The following SLC30A10 variants were observed in gnomAD, a reference collection of about 807,000 sequenced individuals.
SLC30A10 encodes the protein solute carrier family 30 member 10.
A neutral mutation model predicts 21.7 loss-of-function variants in SLC30A10; 8 were observed. That is an observed-to-expected ratio of 0.37 (90% confidence interval 0.22 to 0.67). The LOEUF (loss-of-function observed/expected upper bound fraction) is 0.67, where lower values mean the gene tolerates loss of function less well. SLC30A10 is among the 30% of genes least tolerant of loss of function. The pLI is 0.58. For missense variants in SLC30A10, 521 were observed against 642.5 expected (o/e 0.81, Z 2.04); for synonymous variants, 272 against 279.4 (o/e 0.97, Z 0.26).
At chr1:219,916,098 G>T in intron 3 of SLC30A10, 150 bp from the exon 4 acceptor site, 1 of 936,726 alleles carries the variant, frequency 1.1e-6, no homozygotes, top group Non-Finnish European at 1.6e-6. Flanking sequence ...TACCTCTGTG[G>T]GTACATTTGC....
intron 1 of SLC30A10, among the ~76,000 whole-genome samples, chr1:219,938,781 G>A (rs2378345): frequency 7.4e-6 from 1 of 135,114 alleles, no homozygotes; most frequent in Admixed American, 7.1e-5. Flanking sequence ...CAGGAACCTT[G>A]AGAAAGATAA....
intron 1 of SLC30A10, among the ~76,000 whole-genome samples, chr1:219,948,294 G>A (rs559850594): frequency 1.5e-4 from 22 of 151,168 alleles, no homozygotes; most frequent in East Asian, 9.7e-4. Context: ...AAAAGAGCCC[G>A]CATCGCCAAG....
chr1:219,948,375 C>A (rs1660219861), intron 1 of SLC30A10, among the ~76,000 whole-genome samples: 1 of 151,968 alleles, frequency 6.6e-6, no homozygotes, highest in African/African-American at 2.4e-5. Flanking sequence ...TACAAGGCTA[C>A]AGTAACCAAA....
intron 1 of SLC30A10, among the ~76,000 whole-genome samples, chr1:219,945,634 A>T (rs571190375): frequency 4.7e-4 from 71 of 152,346 alleles, no homozygotes; most frequent in African/African-American, 1.7e-3. Flanking sequence ...GCATTGCAGA[A>T]GGAGAAAGTA....
At chr1:219,938,682 CTTATG>C (rs904704274) in intron 1 of SLC30A10, among the ~76,000 whole-genome samples, 56 of 152,198 alleles carry the variant, frequency 3.7e-4, no homozygotes, top group African/African-American at 1.3e-3. Context: ...TCATCCATAT[CTTATG>C]TTATCAATTG....
chr1:219,924,549 T>G (rs201348376), intron 2 of SLC30A10, among the ~76,000 whole-genome samples: 5 of 152,176 alleles, frequency 3.3e-5, no homozygotes, highest in Non-Finnish European at 7.3e-5. Context: ...AGCCTCACAC[T>G]TAGCCGGGAA....
rs1485662206 is a variant in SLC30A10 at position 219,915,500 on chromosome 1, A to ACTTT, written c.1403_1406dup (p.Ser469ArgfsTer4). On this transcript the variant is annotated frameshift_variant, in exon 4 of 4. Coordinates refer to ENST00000366926, the MANE Select transcript of SLC30A10 (RefSeq NM_018713.3). LOFTEE classifies it high-confidence loss of function. ...ATTGGTCCTCCTGAGTTTTGTTAAG[A>ACTTT]CTTTGTCCGTGGTCACTCAGACAGC... The ACTTT allele has an allele frequency of 1.2e-6, 2 of 1,614,102 alleles. No individual in the cohort carries two copies. The highest frequency in any genetic ancestry group is 2.7e-5 in the African/African-American group (2 of 74,928).
intron 3 of SLC30A10, 40 bp from the exon 4 acceptor site, chr1:219,915,988 T>G (rs770699595): frequency 1.3e-6 from 2 of 1,583,022 alleles, no homozygotes; most frequent in Non-Finnish European, 1.7e-6. Flanking sequence ...AGGTGAGCGC[T>G]GCATTTGAAA....
chr1:219,934,105 G>A (rs574447807), intron 1 of SLC30A10, among the ~76,000 whole-genome samples: 48 of 152,314 alleles, frequency 3.2e-4, no homozygotes, highest in Non-Finnish European at 6.2e-4. Flanking sequence ...TGGCTAACAC[G>A]GTGAAACCTC....
rs755632803 is a variant in SLC30A10 at position 219,928,195 on chromosome 1, C to T, written c.246G>A (p.Ala82=). 15 of 1,559,828 alleles carry T rather than the reference C, an allele frequency of 9.6e-6. No individual in the cohort carries two copies. Among genetic ancestry groups the T allele is most frequent in the East Asian group, 2.4e-5 (1 of 41,538 alleles). ...CGGTGAGGAAGACCGCGTTGCTCAG[C>T]GCGCCCACCACCTCGGCGCGGGCGT... ...YGYARAEVVG[A]LSNAVFLTAL... Residue 82 remains alanine (A), a synonymous_variant, in exon 1 of 4, where the codon GCG becomes GCA. Transcript: ENST00000366926. This position sits in a 1 kb window ranked among gnomAD's most constrained non-coding sequence, Gnocchi z 6.3.
intron 1 of SLC30A10, among the ~76,000 whole-genome samples, chr1:219,952,498 G>C (rs1422551952): frequency 6.6e-6 from 1 of 152,118 alleles, no homozygotes; most frequent in Middle Eastern, 3.2e-3. Flanking sequence ...AAGTAGAGTA[G>C]AGTCTTTAAT....
At chr1:219,926,975 A>T (rs1021451771) in intron 2 of SLC30A10, 53 bp downstream of exon 2, 1 of 1,385,546 alleles carries the variant, frequency 7.2e-7, no homozygotes, top group African/African-American at 1.4e-5. Context: ...TAAACAACAC[A>T]GTCCATGTGT....
chr1:219,939,413 C>T (rs1454396297), intron 1 of SLC30A10, among the ~76,000 whole-genome samples: 1 of 151,980 alleles, frequency 6.6e-6, no homozygotes, highest in Non-Finnish European at 1.5e-5. Context: ...GAGGGCAGGT[C>T]ATGGGTTTCT....
chr1:219,937,602 G>A (rs1026210589), intron 1 of SLC30A10, among the ~76,000 whole-genome samples: 2 of 152,212 alleles, frequency 1.3e-5, no homozygotes, highest in Non-Finnish European at 2.9e-5. Context: ...ATCACTTGAG[G>A]TGTGGAGTTC....
intron 2 of SLC30A10, among the ~76,000 whole-genome samples, chr1:219,922,173 T>C (rs1558252003): frequency 4.2e-5 from 3 of 70,770 alleles, no homozygotes; most frequent in Non-Finnish European, 2.3e-5. Context: ...TGTGTGTGTG[T>C]GTGTTTTTTT....
intron 1 of SLC30A10, among the ~76,000 whole-genome samples, chr1:219,940,647 A>G (rs1175721377): frequency 6.6e-6 from 1 of 152,222 alleles, no homozygotes; most frequent in African/African-American, 2.4e-5. Flanking sequence ...GTATTATTAG[A>G]TGAGCTTCAA....
Position 219,913,417 on chromosome 1 carries a change from A to G in SLC30A10, c.*2032T>C, listed in dbSNP as rs1659460883. The G allele has an allele frequency of 6.6e-6, 1 of 152,244 alleles. No individual in the cohort carries two copies. The highest frequency in any genetic ancestry group is 1.5e-5 in the Non-Finnish European group (1 of 68,052). 9.4% of individuals were successfully genotyped at this position (152,244 alleles called of 1,614,324 possible). A position where few individuals can be genotyped will look rare whatever the true frequency, so the allele number is the denominator to read the frequency against. ...ATCCATTCCTTCAGCCAGTTGCACA[A>G]AAACTGTGAAATTATAATTTTCCCT... On this transcript the variant is annotated 3_prime_UTR_variant, in exon 4 of 4. Transcript: ENST00000366926.
At chr1:219,927,661 A>AC (rs1659867295) in intron 1 of SLC30A10, 140 bp downstream of exon 1, 14 of 557,772 alleles carry the variant, frequency 2.5e-5, no homozygotes, top group Admixed American at 7.5e-5. Flanking sequence ...AAAAAAAAAA[A>AC]AAAAAAACAA....
chr1:219,927,660 AAAAAAAAAC>A, intron 1 of SLC30A10, 132 bp downstream of exon 1: 3 of 521,234 alleles, frequency 5.8e-6, no homozygotes, highest in Non-Finnish European at 8.0e-6. Flanking sequence ...AAAAAAAAAA[AAAAAAAAAC>A]AACAACAACA....
Sources: gnomAD v4.1 joint callset for allele counts (sites outside exome capture counted in the v4.1 genomes callset) on GRCh38, gnomAD v4.1.1 for gene constraint, Gnocchi (gnomAD v3.1) non-coding constraint, MANE v1.5 for transcripts, NCBI Gene and HGNC (gene_info 2026-07-23, HGNC 2026-07-21) for gene names.